The following CRYBG1 variants were observed in gnomAD, a reference collection of about 807,000 sequenced individuals.
CRYBG1 encodes the protein crystallin beta-gamma domain containing 1, also known as beta/gamma crystallin domain-containing protein 1.
A neutral mutation model predicts 189.2 loss-of-function variants in CRYBG1; 139 were observed. That is an observed-to-expected ratio of 0.73 (90% CI 0.64 to 0.85). CRYBG1 has a LOEUF of 0.85. CRYBG1 is among the 40% of genes least tolerant of loss of function. The pLI is 0.00. For missense variants in CRYBG1, 2,611 were observed against 2,675.8 expected, an observed-to-expected ratio of 0.98 and a Z score of 0.53; for synonymous variants, 1,023 against 1,017.1, an observed-to-expected ratio of 1.01 and a Z score of -0.11.
At chr6:106,397,873 A>G (rs1031517923) in intron 1 of CRYBG1, among the ~76,000 whole-genome samples, 4 of 152,188 alleles carry the variant, frequency 2.6e-5, no homozygotes, top group Non-Finnish European at 4.4e-5. Context: ...AAATGTGGGA[A>G]TTTGAGCTGC....
chr6:106,406,774 A>G (rs1770835588), intron 1 of CRYBG1, among the ~76,000 whole-genome samples: 1 of 152,242 alleles, frequency 6.6e-6, no homozygotes, highest in South Asian at 2.1e-4. Flanking sequence ...AGAATTTCAT[A>G]TCCAGCCAAA....
intron 13 of CRYBG1, among the ~76,000 whole-genome samples, chr6:106,547,768 A>AT (rs1562114602): frequency 6.6e-6 from 1 of 152,196 alleles, no homozygotes; most frequent in Non-Finnish European, 1.5e-5. Context: ...TAAACTCATC[A>AT]TTAGTCCTGA....
chr6:106,534,861 C>T (rs1773964673), intron 8 of CRYBG1, among the ~76,000 whole-genome samples: 1 of 151,874 alleles, frequency 6.6e-6, no homozygotes, highest in Admixed American at 6.6e-5. Flanking sequence ...TTATGACGAA[C>T]AAAAGCAAAG....
chr6:106,375,139 T>C (rs1251635232), intron 1 of CRYBG1, among the ~76,000 whole-genome samples: 1 of 152,062 alleles, frequency 6.6e-6, no homozygotes, highest in Non-Finnish European at 1.5e-5. Flanking sequence ...TCGCAACACC[T>C]TGGGGAAGCT....
intron 17 of CRYBG1, among the ~76,000 whole-genome samples, chr6:106,557,120 T>C (rs909037359): frequency 2.6e-5 from 4 of 152,360 alleles, no homozygotes; most frequent in Middle Eastern, 3.4e-3. Context: ...TGCTTTTTAA[T>C]ACTAAAGTGT....
chr6:106,508,530 A>G (rs905918112), intron 2 of CRYBG1, among the ~76,000 whole-genome samples: 2 of 152,184 alleles, frequency 1.3e-5, no homozygotes, highest in African/African-American at 4.8e-5. Flanking sequence ...CCTACTTTCT[A>G]TCATTATAGA....
At chr6:106,423,241 G>C (rs1277933709) in intron 1 of CRYBG1, among the ~76,000 whole-genome samples, 1 of 138,910 alleles carries the variant, frequency 7.2e-6, no homozygotes, top group African/African-American at 2.6e-5. Flanking sequence ...GTAAGTGCTA[G>C]AGTTGGCTGG....
chr6:106,552,182 A>G lies in CRYBG1; in HGVS notation c.5440-2A>G. The G allele has an allele frequency of 6.3e-7, 1 of 1,588,142 alleles. No homozygotes were observed. The highest frequency in any genetic ancestry group is 8.6e-7 in the Non-Finnish European group (1 of 1,164,892). On this transcript the variant is annotated splice_acceptor_variant, in intron 14 of 21. Transcript: ENST00000633556. LOFTEE classifies it high-confidence loss of function. ...TTTTCTCCTTCCTTTAAAAATTTTT[A>G]GGATTCTTTCACTGGCCCAAGGAGA...
At chr6:106,465,634 A>G (rs1221404070) in intron 2 of CRYBG1, among the ~76,000 whole-genome samples, 1 of 152,176 alleles carries the variant, frequency 6.6e-6, no homozygotes, top group Non-Finnish European at 1.5e-5. Flanking sequence ...CTTAAAAACA[A>G]CTGGACTAGA....
At chr6:106,410,042 G>A (rs1426828093) in intron 1 of CRYBG1, among the ~76,000 whole-genome samples, 1 of 152,160 alleles carries the variant, frequency 6.6e-6, no homozygotes, top group Non-Finnish European at 1.5e-5. Flanking sequence ...TTAAACTGAA[G>A]AACTGCTGCA....
intron 6 of CRYBG1, 33 bp downstream of exon 6, chr6:106,525,419 G>A (rs1296622206): frequency 2.6e-6 from 4 of 1,546,650 alleles, no homozygotes; most frequent in Non-Finnish European, 3.6e-6. Flanking sequence ...CTGATGTCAA[G>A]TGTTTGAGTT....
chr6:106,455,719 T>C (rs930439368), intron 2 of CRYBG1, among the ~76,000 whole-genome samples: 8 of 152,170 alleles, frequency 5.3e-5, no homozygotes, highest in African/African-American at 1.9e-4. Context: ...TTCAAACAAG[T>C]AAAATGGAAT....
chr6:106,428,171 A>G (rs1229058466), intron 1 of CRYBG1, among the ~76,000 whole-genome samples: 2 of 152,208 alleles, frequency 1.3e-5, no homozygotes, highest in Non-Finnish European at 2.9e-5. Flanking sequence ...TCTCTCATTC[A>G]GAAGTAAGCT....
chr6:106,410,516 A>C (rs1770909457), intron 1 of CRYBG1, among the ~76,000 whole-genome samples: 1 of 152,230 alleles, frequency 6.6e-6, no homozygotes, highest in African/African-American at 2.4e-5. Flanking sequence ...CAGCAATCCC[A>C]TTACTGGGTA....
At chr6:106,542,999 TTTTA>T (rs1340247696) in intron 10 of CRYBG1, among the ~76,000 whole-genome samples, 3 of 148,296 alleles carry the variant, frequency 2.0e-5, no homozygotes, top group Admixed American at 6.8e-5. Flanking sequence ...TTTTATTTTA[TTTTA>T]TTTATTTTAA....
At chr6:106,453,145 T>G (rs943278286) in intron 2 of CRYBG1, among the ~76,000 whole-genome samples, 2 of 152,224 alleles carry the variant, frequency 1.3e-5, no homozygotes, top group African/African-American at 4.8e-5. Context: ...TAGTTCTGTA[T>G]AGTTAAAAAT....
intron 13 of CRYBG1, among the ~76,000 whole-genome samples, chr6:106,546,727 T>C (rs562866945): frequency 2.6e-5 from 4 of 152,346 alleles, no homozygotes; most frequent in East Asian, 1.9e-4. Context: ...ATCTGAAATA[T>C]AAGGTACAAG....
At chr6:106,420,395 G>A (rs1188613783) in intron 1 of CRYBG1, among the ~76,000 whole-genome samples, 2 of 152,194 alleles carry the variant, frequency 1.3e-5, no homozygotes, top group Non-Finnish European at 2.9e-5. Context: ...GGAGGAAAAA[G>A]TAATTACACA....
intron 1 of CRYBG1, among the ~76,000 whole-genome samples, chr6:106,413,711 G>A (rs1012579454): frequency 1.3e-5 from 2 of 151,510 alleles, no homozygotes; most frequent in African/African-American, 4.8e-5. Flanking sequence ...TTCACTGCAG[G>A]CAAAGCAGAT....
Sources: gnomAD v4.1 joint callset for allele counts (sites outside exome capture counted in the v4.1 genomes callset) on GRCh38, gnomAD v4.1.1 for gene constraint, MANE v1.5 for transcripts, NCBI Gene and HGNC (gene_info 2026-07-23, HGNC 2026-07-21) for gene names.